The following TOPBP1 variants were observed in gnomAD, a reference collection of about 807,000 sequenced individuals.
TOPBP1 encodes DNA topoisomerase 2-binding protein 1.
In TOPBP1, 28 loss-of-function variants were observed where a neutral mutation model predicts 167.7. That is an observed-to-expected ratio of 0.17 (90% CI 0.12 to 0.23). TOPBP1 has a LOEUF of 0.23. Ranked by LOEUF, TOPBP1 falls within the 10% of genes least tolerant of loss-of-function variation. The pLI is 1.00. For synonymous variants in TOPBP1, 598 were observed against 611.4 expected (o/e 0.98, Z 0.32); for missense variants, 1,554 against 1,809.6 (o/e 0.86, Z 2.56).
At chr3:133,634,772 G>A (rs1440609805) in intron 14 of TOPBP1, among the ~76,000 whole-genome samples, 1 of 152,098 alleles carries the variant, frequency 6.6e-6, no homozygotes, top group African/African-American at 2.4e-5. Context: ...CAGAACTCAA[G>A]GAATACTGTA....
At chr3:133,622,851 G>T (rs945924933) in intron 19 of TOPBP1, among the ~76,000 whole-genome samples, 3 of 152,000 alleles carry the variant, frequency 2.0e-5, no homozygotes, top group Admixed American at 6.6e-5. Flanking sequence ...ATAAAACTTT[G>T]CAAATTATCA....
rs199663316 is a variant in TOPBP1, at chr3:133,655,463, A to G, written c.569T>C (p.Ile190Thr). The G allele has an allele frequency of 1.4e-4, 214 of 1,547,222 alleles. No homozygotes were observed. Among genetic ancestry groups the G allele is most frequent in the East Asian group, 9.6e-5 (4 of 41,612 alleles). ...QEKKITRYTDINMEDFKCPIF... is the reference protein window; with the variant it reads ...QEKKITRYTDTNMEDFKCPIF... The stretch of plus-strand genomic sequence containing the variant: ...AGGACACTTGAAATCTTCCATGTTT[A>G]TATCAGTATATCTAGTTATTTTTCT... The change falls in exon 6 of 28, where the codon ATA (isoleucine) becomes ACA (threonine). Residue 190 changes from isoleucine (I) to threonine (T), a missense_variant. By Grantham distance (89) the Ile-to-Thr change is moderately conservative. This residue lies in a region of TOPBP1 where 1,197 missense variants were observed against 1,351.5 expected (regional missense o/e 0.89). Transcript: ENST00000260810.
At chr3:133,646,836 A>G (rs1936092267) in intron 10 of TOPBP1, among the ~76,000 whole-genome samples, 1 of 152,198 alleles carries the variant, frequency 6.6e-6, no homozygotes, top group South Asian at 2.1e-4. Flanking sequence ...ATGGTGGGCT[A>G]GGATCTTTGA....
At chr3:133,640,228 T>A in intron 12 of TOPBP1, 58 bp from the exon 13 acceptor site, 3 of 1,435,010 alleles carry the variant, frequency 2.1e-6, no homozygotes, top group Middle Eastern at 1.8e-4. Flanking sequence ...CCCGCAAAAC[T>A]AACAAAATTT....
rs1934290063 is a variant in TOPBP1 at position 133,601,346 on chromosome 3, T to A, written c.4473A>T (p.Ser1491=). ...CAAGTTCCTTATTATTCTGAATAAA[T>A]GAAATAGCTTCTGGTAGACAGTAAT... ...VENYCLPEAI[S]FIQNNKELGT... is the part of the protein sequence containing the mutation. Residue 1491 remains serine (S), a synonymous_variant, in exon 28 of 28, where the codon TCA becomes TCT. Transcript: ENST00000260810. 2 of 1,586,594 alleles carry A rather than the reference T, an allele frequency of 1.3e-6. No individual in the cohort carries two copies. Among genetic ancestry groups the A allele is most frequent in the African/African-American group, 1.4e-5 (1 of 73,658 alleles).
intron 2 of TOPBP1, 64 bp downstream of exon 2, chr3:133,660,980 C>G: frequency 7.9e-7 from 1 of 1,259,816 alleles, no homozygotes; most frequent in Non-Finnish European, 1.1e-6. Context: ...TAAAGCCCAA[C>G]AAATCAAAAA....
At chr3:133,656,995 T>A in intron 4 of TOPBP1, 138 bp from the exon 5 acceptor site, 1 of 747,048 alleles carries the variant, frequency 1.3e-6, no homozygotes, top group Non-Finnish European at 1.9e-6. Context: ...GTTAAATAAT[T>A]AACCAAATTA....
chr3:133,657,733 A>G (rs572052033), intron 4 of TOPBP1, 65 bp downstream of exon 4: 120 of 1,315,930 alleles, frequency 9.1e-5, no homozygotes, highest in Non-Finnish European at 1.1e-4. Context: ...TCTTCTATGC[A>G]GTGAAAAATT....
chr3:133,649,959 T>C lies in TOPBP1; in HGVS notation c.1090-16A>G, dbSNP rs1936228254. 1 of 1,541,976 alleles carries C rather than the reference T, an allele frequency of 6.5e-7. No individual in the cohort carries two copies. Among genetic ancestry groups the C allele is most frequent in the Non-Finnish European group, 8.7e-7 (1 of 1,149,186 alleles). ...AAAGATATATCTGCAAGAAAGAAAA[T>C]ATTTAATATACATAACATGCTTTCT... On this transcript the variant is annotated splice_polypyrimidine_tract_variant and intron_variant, in intron 8 of 27. Coordinates refer to ENST00000260810, the MANE Select transcript of TOPBP1 (RefSeq NM_007027.4).
At position 133,649,980 on chromosome 3, in the gene TOPBP1, T is replaced by C. The variant is rs760980069; in HGVS notation, c.1090-37A>G. 4.1e-6 allele frequency: 6 copies of C among 1,467,160 alleles called. No homozygotes were observed. The African/African-American group carries it at 4.3e-5, about 11-fold the overall frequency. 90.9% of individuals were successfully genotyped at this position (1,467,160 alleles called of 1,614,324 possible). ...AAAATATTTAATATACATAACATGC[T>C]TTCTCTCAATAGAAAAAAACTAAAA... On this transcript the variant is annotated intron_variant, in intron 8 of 27. Transcript: ENST00000260810.
At chr3:133,631,464 T>C (rs1935475791) in intron 14 of TOPBP1, among the ~76,000 whole-genome samples, 1 of 152,190 alleles carries the variant, frequency 6.6e-6, no homozygotes, top group Non-Finnish European at 1.5e-5. Flanking sequence ...TTTTTTTTAA[T>C]ATTGTTTCTG....
At chr3:133,656,094 G>A (rs1306057922) in intron 5 of TOPBP1, among the ~76,000 whole-genome samples, 1 of 150,822 alleles carries the variant, frequency 6.6e-6, no homozygotes, top group East Asian at 1.9e-4. Flanking sequence ...CTAGTTGCAG[G>A]GGAAACTGAA....
rs1936539713 is a variant in TOPBP1 at position 133,658,008 on chromosome 3, T to C, written c.220-67A>G. On this transcript the variant is annotated intron_variant, in intron 3 of 27. Coordinates refer to ENST00000260810, the MANE Select transcript of TOPBP1 (RefSeq NM_007027.4). ...GACCACCAGTCTTACAAAATTACAT[T>C]TTGTAACATTCACCAATTCTTTACC... The C allele has an allele frequency of 3.1e-6, 4 of 1,303,680 alleles. No homozygotes were observed. In the African/African-American group the frequency reaches 4.6e-5, roughly 15 times the overall value. The allele number at this position is 1,303,680 out of a possible 1,614,324, so 80.8% of individuals were successfully genotyped here. A position where few individuals can be genotyped will look rare whatever the true frequency, so the allele number is the denominator to read the frequency against.
intron 8 of TOPBP1, among the ~76,000 whole-genome samples, chr3:133,652,080 T>C (rs1182251378): frequency 6.6e-6 from 1 of 151,692 alleles, no homozygotes; most frequent in East Asian, 1.9e-4. Flanking sequence ...CAGGAAGTTA[T>C]GATTGTGCCA....
chr3:133,622,166 A>G (rs1002413269), intron 19 of TOPBP1, among the ~76,000 whole-genome samples: 12 of 149,582 alleles, frequency 8.0e-5, no homozygotes, highest in African/African-American at 2.5e-4. Context: ...AATAGCATGT[A>G]TAGTAGTCCA....
chr3:133,629,771 A>ATG (rs34019672), intron 14 of TOPBP1, among the ~76,000 whole-genome samples: 3,240 of 151,548 alleles, frequency 0.021, 54 homozygotes, highest in African/African-American at 0.046. Context: ...ATATCTTTAT[A>ATG]TGTGTGTGTG....
Position 133,612,520 on chromosome 3 carries a change from G to T in TOPBP1, c.3904C>A (p.Pro1302Thr). The change falls in exon 24 of 28, where the codon CCC becomes ACC. Residue 1302 changes from proline (P) to threonine (T), a missense_variant. Physicochemically the swap from Pro to Thr is conservative, Grantham distance 38 (BLOSUM62 -1). Around this residue, in one of 3 missense-constraint regions of TOPBP1, gnomAD observed 351 missense variants for 432.9 expected, o/e 0.81. Transcript: ENST00000260810. ...GLVIEKQCFD[P>T]TCTHIVVGHP... ...CCCACAACAATGTGTGTACAGGTGG[G>T]ATCAAAGCACTGCTTTTCTATCACC... The T allele has an allele frequency of 6.2e-7, 1 of 1,613,664 alleles. No homozygotes were observed. Among genetic ancestry groups the T allele is most frequent in the Non-Finnish European group, 8.5e-7 (1 of 1,179,736 alleles).
At chr3:133,618,040 C>T in intron 21 of TOPBP1, 173 bp downstream of exon 21, 2 of 593,178 alleles carry the variant, frequency 3.4e-6, no homozygotes. Flanking sequence ...GATGAAGTAC[C>T]TCAATTTACA....
At chr3:133,603,761 G>A (rs1934395974) in intron 27 of TOPBP1, among the ~76,000 whole-genome samples, 1 of 149,584 alleles carries the variant, frequency 6.7e-6, no homozygotes, top group South Asian at 2.1e-4. Flanking sequence ...TTTAGTATCA[G>A]TAATTGATAT....
Sources: allele counts gnomAD v4.1 joint callset (sites outside exome capture counted in the v4.1 genomes callset), GRCh38; gene constraint gnomAD v4.1.1; regional missense constraint gnomAD v4.1.1; transcripts MANE v1.5; gene names NCBI Gene and HGNC (gene_info 2026-07-23, HGNC 2026-07-21).